STX7: variants seen among roughly 807,000 people sequenced by gnomAD.
STX7 encodes the protein syntaxin-7.
A neutral mutation model predicts 39.6 loss-of-function variants in STX7; 34 were observed. The observed-to-expected ratio is 0.86, with a 90% CI of 0.65 to 1.14. The LOEUF (loss-of-function observed/expected upper bound fraction) is 1.14. STX7 is among the 50% of genes most tolerant of loss of function. The probability of loss-of-function intolerance (pLI) is 0.00; values close to 1 mark genes in which losing one functional copy is unlikely to be tolerated. For missense variants in STX7, 284 were observed against 310.4 expected (o/e 0.92, Z 0.64); for synonymous variants, 119 against 99.1 (o/e 1.20, Z -1.19).
In STX7 at chr6:132,454,967, G is replaced by A. The variant is rs1184200906; in HGVS notation, c.*5791C>T. ...ATCTGGCCCTGGGAAGAGGTTGGATGTGGCCTGAGGCACATTGAAAATGCC... is the reference window on the plus strand; with the variant it reads ...ATCTGGCCCTGGGAAGAGGTTGGATATGGCCTGAGGCACATTGAAAATGCC... On this transcript the variant is annotated 3_prime_UTR_variant, in exon 10 of 10. Coordinates refer to ENST00000367941, the MANE Select transcript of STX7 (RefSeq NM_003569.3). 2.0e-5 allele frequency: 3 copies of A among 152,182 alleles called. No individual in the cohort carries two copies. The highest frequency in any genetic ancestry group is 7.2e-5 in the African/African-American group (3 of 41,460). 9.4% of individuals were successfully genotyped at this position (152,182 alleles called of 1,614,324 possible).
chr6:132,475,684 G>A (rs1562326785), intron 2 of STX7, 22 bp from the exon 3 acceptor site: 1 of 1,535,656 alleles, frequency 6.5e-7, no homozygotes, highest in Non-Finnish European at 8.9e-7. Flanking sequence ...GAAAATTCAT[G>A]TATTAATTGT....
Position 132,464,140 on chromosome 6 carries a change from C to T in STX7, c.611-65G>A, listed in dbSNP as rs940313694. The T allele has an allele frequency of 9.9e-6, 14 of 1,415,668 alleles. No homozygotes were observed. In the African/African-American group the frequency reaches 1.8e-4, roughly 19 times the overall value. The allele number at this position is 1,415,668 out of a possible 1,614,324, so 87.7% of individuals were successfully genotyped here. On this transcript the variant is annotated intron_variant, in intron 8 of 9. Transcript: ENST00000367941. ...GGATTGATGCTCCAGTAACAAATCA[C>T]TAAATTTCATTCAAGGTAAGATTAA... is the stretch of plus-strand genomic sequence containing the variant.
chr6:132,477,178 T>C (rs1422154878), intron 2 of STX7, among the ~76,000 whole-genome samples: 1 of 152,150 alleles, frequency 6.6e-6, no homozygotes. Flanking sequence ...TTTTGCTTTT[T>C]GGGGGTTGAT....
chr6:132,474,575 G>T (rs1022896316), intron 3 of STX7, among the ~76,000 whole-genome samples: 20 of 151,940 alleles, frequency 1.3e-4, no homozygotes, highest in South Asian at 2.1e-4. Flanking sequence ...AGATATATGT[G>T]ACTTGAAATT....
chr6:132,489,200 TAAAAA>T (rs745673648), intron 2 of STX7, among the ~76,000 whole-genome samples: 1 of 83,206 alleles, frequency 1.2e-5, no homozygotes, highest in Non-Finnish European at 2.2e-5. Flanking sequence ...GACTCTGTCT[TAAAAA>T]AAAAAAAAAA....
chr6:132,503,022 A>G (rs1249071798), intron 2 of STX7, among the ~76,000 whole-genome samples: 1 of 152,210 alleles, frequency 6.6e-6, no homozygotes, highest in Non-Finnish European at 1.5e-5. Flanking sequence ...CTTGCCCATC[A>G]TAAGATTAAC....
intron 2 of STX7, among the ~76,000 whole-genome samples, chr6:132,488,598 A>G (rs1227452762): frequency 6.6e-6 from 1 of 152,134 alleles, no homozygotes; most frequent in African/African-American, 2.4e-5. Flanking sequence ...CTTCTTATTT[A>G]CATTTCTTGA....
rs768272743 is a variant in STX7 at position 132,446,525 on chromosome 6, G to C, written c.*14233C>G. ...TTAAGTGTGGAAGCTATCAACTATC[G>C]CATTGTCCCCAATGTCAGAATGTGC... On this transcript the variant is annotated 3_prime_UTR_variant, in exon 10 of 10. Coordinates refer to ENST00000367941, the MANE Select transcript of STX7 (RefSeq NM_003569.3). The C allele has an allele frequency of 1.3e-5, 2 of 152,026 alleles. No homozygotes were observed. Among genetic ancestry groups the C allele is most frequent in the Admixed American group, 6.6e-5 (1 of 15,232 alleles). The allele number at this position is 152,026 out of a possible 1,614,324, so 9.4% of individuals were successfully genotyped here.
At chr6:132,483,101 T>C (rs1775050547) in intron 2 of STX7, among the ~76,000 whole-genome samples, 1 of 152,216 alleles carries the variant, frequency 6.6e-6, no homozygotes, top group South Asian at 2.1e-4. Context: ...CAACTTGGCA[T>C]GTTATTTGAA....
intron 7 of STX7, among the ~76,000 whole-genome samples, chr6:132,469,080 A>G (rs1374914836): frequency 6.6e-6 from 1 of 152,210 alleles, no homozygotes; most frequent in African/African-American, 2.4e-5. Context: ...GAGATAATTA[A>G]CATAAAGAAT....
At chr6:132,500,236 A>T (rs1184708194) in intron 2 of STX7, among the ~76,000 whole-genome samples, 1 of 152,106 alleles carries the variant, frequency 6.6e-6, no homozygotes, top group East Asian at 1.9e-4. Flanking sequence ...AAATGCCTCC[A>T]GTGATTTCCA....
chr6:132,486,687 CAG>C (rs1775141231), intron 2 of STX7, among the ~76,000 whole-genome samples: 2 of 117,972 alleles, frequency 1.7e-5, no homozygotes, highest in Admixed American at 1.0e-4. Flanking sequence ...TTTTTTGAGA[CAG>C]AGTCTTGCTC....
chr6:132,507,772 G>A (rs980898757), intron 1 of STX7, among the ~76,000 whole-genome samples: 1 of 152,092 alleles, frequency 6.6e-6, no homozygotes, highest in Admixed American at 6.6e-5. Context: ...TAGATCTCTG[G>A]AAAAACTGGC....
Position 132,456,553 on chromosome 6 carries a change from G to GGGAA in STX7, c.*4201_*4204dup, listed in dbSNP as rs1177483808. The GGGAA allele has an allele frequency of 1.3e-5, 2 of 152,160 alleles. No individual in the cohort carries two copies. Among genetic ancestry groups the GGGAA allele is most frequent in the Non-Finnish European group, 2.9e-5 (2 of 68,018 alleles). 9.4% of individuals were successfully genotyped at this position (152,160 alleles called of 1,614,324 possible). A position where few individuals can be genotyped will look rare whatever the true frequency, so the allele number is the denominator to read the frequency against. On this transcript the variant is annotated 3_prime_UTR_variant, in exon 10 of 10. Coordinates refer to ENST00000367941, the MANE Select transcript of STX7 (RefSeq NM_003569.3). ...AACTACTACGGGAGGGAAGGAAGAA[G>GGGAA]GGAAGGAAGGAAGGAAACTGTGTTA...
chr6:132,496,838 T>C (rs908709325), intron 2 of STX7, among the ~76,000 whole-genome samples: 5 of 152,204 alleles, frequency 3.3e-5, no homozygotes, highest in African/African-American at 9.6e-5. Context: ...GATTATCTCA[T>C]TGATTTCTTT....
intron 1 of STX7, among the ~76,000 whole-genome samples, chr6:132,506,406 C>A (rs909633820): frequency 6.6e-6 from 1 of 151,944 alleles, no homozygotes; most frequent in African/African-American, 2.4e-5. Flanking sequence ...CAACAAAAAA[C>A]CCCACAAATA....
rs1167063365 is a variant in STX7 at position 132,450,066 on chromosome 6, T to A, written c.*10692A>T. On this transcript the variant is annotated 3_prime_UTR_variant, in exon 10 of 10. Transcript: ENST00000367941. ...TTTACTTTGCCTGGAGTCCATGGCT[T>A]AAGTCTCAGAGGCACAGTTTTCCTG... The A allele has an allele frequency of 6.6e-6, 1 of 151,664 alleles. No homozygotes were observed. The highest frequency in any genetic ancestry group is 1.5e-5 in the Non-Finnish European group (1 of 67,952). 9.4% of individuals were successfully genotyped at this position (151,664 alleles called of 1,614,324 possible). A position where few individuals can be genotyped will look rare whatever the true frequency, so the allele number is the denominator to read the frequency against.
Position 132,489,760 on chromosome 6 carries a change from A to G in STX7, c.85+13686T>C, listed in dbSNP as rs1775230360. 2.0e-5 allele frequency among the ~76,000 whole-genome samples: 3 copies of G among 152,178 alleles called. No homozygotes were observed. In the South Asian group the frequency reaches 6.2e-4, roughly 32 times the overall value. On this transcript the variant is annotated intron_variant, in intron 2 of 9. Transcript: ENST00000367941. Reference sequence around the variant, plus strand: ...TCTGAAGGCATAGCCCGCTTCCACAAAGCAATCTCAAATTTACAACACACT... The same window carrying G: ...TCTGAAGGCATAGCCCGCTTCCACAGAGCAATCTCAAATTTACAACACACT...
At chr6:132,483,304 T>C (rs73776244) in intron 2 of STX7, among the ~76,000 whole-genome samples, 2,482 of 152,322 alleles carry the variant, frequency 0.016, 55 homozygotes, top group African/African-American at 0.054. Flanking sequence ...ATAAATGCTA[T>C]GTAAATTGTT....
Sources: allele counts gnomAD v4.1 joint callset (sites outside exome capture counted in the v4.1 genomes callset), GRCh38; gene constraint gnomAD v4.1.1; transcripts MANE v1.5; gene names NCBI Gene and HGNC (gene_info 2026-07-23, HGNC 2026-07-21).